The following IRS1 variants were observed in gnomAD, a reference collection of about 807,000 sequenced individuals.
IRS1 encodes the protein insulin receptor substrate 1.
In IRS1, 34 loss-of-function variants were observed where a neutral mutation model predicts 65.6. That is an observed-to-expected ratio of 0.52 (90% confidence interval 0.39 to 0.69). The LOEUF (loss-of-function observed/expected upper bound fraction) is 0.69. IRS1 is among the 30% of genes least tolerant of loss of function. The pLI, the probability that IRS1 is intolerant of heterozygous loss-of-function variation, is 0.00. For missense variants in IRS1, 1,641 were observed against 1,720.2 expected (o/e 0.95, Z 0.81); for synonymous variants, 699 against 683.5 (o/e 1.02, Z -0.35).
At chr2:226,779,148 T>C (rs2106175661) in intron 1 of IRS1, among the ~76,000 whole-genome samples, 1 of 152,340 alleles carries the variant, frequency 6.6e-6, no homozygotes, top group East Asian at 1.9e-4. Flanking sequence ...AACGACTCCC[T>C]ACCAAGATCT....
chr2:226,743,429 C>T (rs556053419), intron 1 of IRS1, among the ~76,000 whole-genome samples: 32 of 152,196 alleles, frequency 2.1e-4, no homozygotes, highest in African/African-American at 7.2e-4. Flanking sequence ...GGGGTTTCAC[C>T]GTGTTGGCCA....
At chr2:226,766,970 A>G in intron 1 of IRS1, among the ~76,000 whole-genome samples, 1 of 152,184 alleles carries the variant, frequency 6.6e-6, no homozygotes, top group Non-Finnish European at 1.5e-5. Flanking sequence ...AACATCATTA[A>G]AAGTTTACTC....
At chr2:226,755,834 C>A (rs1938785970) in intron 1 of IRS1, among the ~76,000 whole-genome samples, 1 of 152,234 alleles carries the variant, frequency 6.6e-6, no homozygotes, top group Admixed American at 6.5e-5. Flanking sequence ...TGCCTTCAAG[C>A]ATTAAAATGC....
intron 1 of IRS1, among the ~76,000 whole-genome samples, chr2:226,763,006 A>T (rs1938950207): frequency 6.6e-6 from 1 of 152,230 alleles, no homozygotes; most frequent in East Asian, 1.9e-4. Context: ...GAGAAAACTC[A>T]TTTGGGAACA....
rs1939780629 is a variant in IRS1 at position 226,797,930 on chromosome 2, C to G, written c.809G>C (p.Ser270Thr). 1 of 1,613,934 alleles carries G rather than the reference C, an allele frequency of 6.2e-7. No homozygotes were observed. Among genetic ancestry groups the G allele is most frequent in the Non-Finnish European group, 8.5e-7 (1 of 1,180,036 alleles). ...MSDEFRPRSK[S>T]QSSSNCSNPI... Reference sequence around the variant, plus strand: ...GTTAGAGCAGTTGGACGAGGACTGGCTCTTGCTGCGAGGGCGGAACTCATC... The same window carrying G: ...GTTAGAGCAGTTGGACGAGGACTGGGTCTTGCTGCGAGGGCGGAACTCATC... Residue 270 changes from serine (S) to threonine (T), a missense_variant, in exon 1 of 2, where the codon AGC (serine) becomes ACC (threonine). This residue lies in a region of IRS1 where 1,324 missense variants were observed against 1,361.0 expected (regional missense o/e 0.97). Coordinates refer to ENST00000305123, the MANE Select transcript of IRS1 (RefSeq NM_005544.3). This position sits in a 1 kb window ranked among gnomAD's most constrained non-coding sequence, Gnocchi z 8.1.
chr2:226,777,119 A>AG (rs1279574471), intron 1 of IRS1, among the ~76,000 whole-genome samples: 1 of 152,190 alleles, frequency 6.6e-6, no homozygotes, highest in Admixed American at 6.5e-5. Context: ...CAAGGACATT[A>AG]GGGGAAAACT....
rs760127800 is a variant in IRS1 at position 226,797,424 on chromosome 2, G to A, written c.1315C>T (p.Arg439Trp). 5.0e-6 allele frequency: 8 copies of A among 1,612,948 alleles called. No individual in the cohort carries two copies. Among genetic ancestry groups the A allele is most frequent in the African/African-American group, 1.3e-5 (1 of 75,046 alleles). The change falls in exon 1 of 2, where the codon CGG becomes TGG. Residue 439 changes from arginine (R) to tryptophan (W), a missense_variant. Physicochemically the swap from Arg to Trp is moderately radical, Grantham distance 101. This residue lies in a region of IRS1 where 1,324 missense variants were observed against 1,361.0 expected (regional missense o/e 0.97). Coordinates refer to ENST00000305123, the MANE Select transcript of IRS1 (RefSeq NM_005544.3). The surrounding 1 kb of genome is among the most constrained non-coding windows in gnomAD (Gnocchi z 8.1). ...GGAGTGACACTGCGGAAGGAACTCCGGAAATCGCAGGGACTGGAGCCATAC... is the reference window on the plus strand; with the variant it reads ...GGAGTGACACTGCGGAAGGAACTCCAGAAATCGCAGGGACTGGAGCCATAC... ...DEYGSSPCDF[R>W]SSFRSVTPDS... is the part of the protein sequence containing the mutation.
intron 1 of IRS1, among the ~76,000 whole-genome samples, chr2:226,780,414 A>T (rs1157490554): frequency 6.6e-6 from 1 of 152,160 alleles, no homozygotes; most frequent in East Asian, 1.9e-4. Context: ...TAATTAAATT[A>T]AATTAAATTA....
At chr2:226,790,358 C>T (rs540008592) in intron 1 of IRS1, among the ~76,000 whole-genome samples, 19 of 151,608 alleles carry the variant, frequency 1.3e-4, no homozygotes, top group African/African-American at 4.6e-4. Flanking sequence ...GGTGGCATGC[C>T]CTTTGGATCC....
At chr2:226,750,171 C>A (rs909393732) in intron 1 of IRS1, among the ~76,000 whole-genome samples, 9 of 151,128 alleles carry the variant, frequency 6.0e-5, no homozygotes, top group Non-Finnish European at 1.3e-4. Flanking sequence ...ATCACTTGAA[C>A]CCAGGAGGCG....
At chr2:226,738,280 A>G (rs887112260) in intron 1 of IRS1, among the ~76,000 whole-genome samples, 13 of 152,110 alleles carry the variant, frequency 8.5e-5, no homozygotes, top group South Asian at 2.1e-4. Flanking sequence ...AATTGCAAAA[A>G]CCACAATTAC....
chr2:226,739,434 C>G (rs1938393644), intron 1 of IRS1, among the ~76,000 whole-genome samples: 3 of 152,172 alleles, frequency 2.0e-5, no homozygotes, highest in Non-Finnish European at 1.5e-5. Context: ...GCCTGCTCAG[C>G]CTTGGGCATA....
At chr2:226,740,796 T>C (rs1938420755) in intron 1 of IRS1, among the ~76,000 whole-genome samples, 1 of 152,160 alleles carries the variant, frequency 6.6e-6, no homozygotes, top group African/African-American at 2.4e-5. Context: ...ACATACTAAA[T>C]TGTTAGAAAG....
chr2:226,789,175 A>G (rs1939544260), intron 1 of IRS1, among the ~76,000 whole-genome samples: 1 of 152,258 alleles, frequency 6.6e-6, no homozygotes, highest in Admixed American at 6.5e-5. Context: ...AAAAGGAACC[A>G]TTTATATACT....
intron 1 of IRS1, among the ~76,000 whole-genome samples, chr2:226,783,226 C>T (rs532596473): frequency 2.6e-5 from 4 of 152,252 alleles, no homozygotes; most frequent in African/African-American, 9.6e-5. Context: ...TAAAAAGATG[C>T]CATCAAGACC....
In IRS1 at chr2:226,796,978, C is replaced by A; in HGVS notation, c.1761G>T (p.Leu587=). The stretch of plus-strand genomic sequence containing the variant: ...CCCGACGCTCCAAGGGGTGCATTTC[C>A]AGACCCTCCTCTGGGTAGGAGCGGG... The part of the protein sequence containing the change: ...VPTRSYPEEG[L]EMHPLERRGG... Residue 587 remains leucine, a synonymous_variant, in exon 1 of 2, where the codon CTG becomes CTT. Coordinates refer to ENST00000305123, the MANE Select transcript of IRS1 (RefSeq NM_005544.3). The A allele has an allele frequency of 6.3e-7, 1 of 1,583,706 alleles. No homozygotes were observed. The highest frequency in any genetic ancestry group is 8.6e-7 in the Non-Finnish European group (1 of 1,161,490).
At chr2:226,776,209 A>C (rs73992210) in intron 1 of IRS1, among the ~76,000 whole-genome samples, 11,423 of 152,244 alleles carry the variant, frequency 0.075, 698 homozygotes, top group African/African-American at 0.17. Context: ...GAAAGGGCTA[A>C]AGCTGGAACA....
chr2:226,795,100 G>C lies in IRS1; in HGVS notation c.3639C>G (p.Ser1213Arg), dbSNP rs200306802. 1 of 1,604,332 alleles carries C rather than the reference G, an allele frequency of 6.2e-7. No individual in the cohort carries two copies. Among genetic ancestry groups the C allele is most frequent in the Non-Finnish European group, 8.5e-7 (1 of 1,177,184 alleles). The change falls in exon 1 of 2, where the codon AGC (serine) becomes AGG (arginine). Residue 1213 changes from serine (S) to arginine (R), a missense_variant. By Grantham distance (110) the Ser-to-Arg change is moderately radical (BLOSUM62 -1). Transcript: ENST00000305123. ...AGCGGCGGGTGGAGCTGCTCTCACC[G>C]CTGCCCAGGGGTTGATGAGGGGGTG... ...PPPPPHQPLG[S>R]GESSSTRRSS...
chr2:226,783,391 C>A (rs1337086448), intron 1 of IRS1, among the ~76,000 whole-genome samples: 1 of 152,154 alleles, frequency 6.6e-6, no homozygotes. Context: ...AACACTCTGC[C>A]CTTCCTCTTC....
Sources: allele counts gnomAD v4.1 joint callset (sites outside exome capture counted in the v4.1 genomes callset), GRCh38; gene constraint gnomAD v4.1.1; regional missense constraint gnomAD v4.1.1; non-coding constraint Gnocchi (gnomAD v3.1); transcripts MANE v1.5; gene names NCBI Gene and HGNC (gene_info 2026-07-23, HGNC 2026-07-21).